The following TBC1D22A variants were observed in gnomAD, a reference collection of about 807,000 sequenced individuals.
TBC1D22A encodes putative GTPase activator.
In TBC1D22A, 38 loss-of-function variants were observed where a neutral mutation model predicts 60.2. The observed-to-expected ratio is 0.63, with a 90% CI of 0.49 to 0.83. TBC1D22A has a LOEUF of 0.83. Among genes scored for constraint, TBC1D22A ranks in the 40% least tolerant of loss-of-function variants. TBC1D22A has a pLI of 0.00. For missense variants in TBC1D22A, 628 were observed against 701.0 expected, an observed-to-expected ratio of 0.90 and a Z score of 1.18; for synonymous variants, 302 against 281.7, an observed-to-expected ratio of 1.07 and a Z score of -0.72.
intron 11 of TBC1D22A, among the ~76,000 whole-genome samples, chr22:47,099,173 A>G (rs1367401645): frequency 6.6e-6 from 1 of 152,214 alleles, no homozygotes; most frequent in Non-Finnish European, 1.5e-5. Context: ...GTGGAAGTGC[A>G]GACCCTGCTC....
At chr22:46,796,732 G>A (rs1312479123) in intron 3 of TBC1D22A, among the ~76,000 whole-genome samples, 1 of 145,372 alleles carries the variant, frequency 6.9e-6, no homozygotes, top group Non-Finnish European at 1.5e-5. Flanking sequence ...GTGGGCAGCA[G>A]CAGAGGGCGG....
chr22:47,168,527 C>G (rs1298441577), intron 12 of TBC1D22A, among the ~76,000 whole-genome samples: 1 of 152,248 alleles, frequency 6.6e-6, no homozygotes, highest in African/African-American at 2.4e-5. Flanking sequence ...CTCGTGGGGT[C>G]AGGCAGCATT....
At chr22:46,847,591 G>A (rs1346605140) in intron 4 of TBC1D22A, among the ~76,000 whole-genome samples, 3 of 152,330 alleles carry the variant, frequency 2.0e-5, no homozygotes, top group South Asian at 2.1e-4. Context: ...GTAGGAAAAT[G>A]TGGGGTGTGT....
At chr22:46,880,282 A>G (rs1045102036) in intron 5 of TBC1D22A, among the ~76,000 whole-genome samples, 2 of 152,178 alleles carry the variant, frequency 1.3e-5, no homozygotes, top group Admixed American at 1.3e-4. Context: ...GAATGGTTAC[A>G]TTCTTTTGAG....
intron 9 of TBC1D22A, among the ~76,000 whole-genome samples, chr22:46,982,226 CTTT>C (rs750713030): frequency 2.9e-5 from 4 of 138,616 alleles, no homozygotes; most frequent in Admixed American, 7.3e-5. Flanking sequence ...AAGAGACAGT[CTTT>C]TTTTTTTTTT....
intron 7 of TBC1D22A, among the ~76,000 whole-genome samples, chr22:46,897,652 G>GTTTTTTTTTTT (rs34529641): frequency 1.3e-4 from 15 of 111,436 alleles, no homozygotes; most frequent in South Asian, 6.0e-4. Context: ...TTTTTTTTGT[G>GTTTTTTTTTTT]TTTTTTTTTT....
intron 5 of TBC1D22A, among the ~76,000 whole-genome samples, chr22:46,886,480 G>C (rs4823579): frequency 0.57 from 85,820 of 151,772 alleles, 26,853 homozygotes; most frequent in Middle Eastern, 0.76. Context: ...GTAACCAGGC[G>C]GTTGTGACCC....
chr22:46,779,828 T>C (rs2083861882), intron 1 of TBC1D22A, among the ~76,000 whole-genome samples: 1 of 152,180 alleles, frequency 6.6e-6, no homozygotes, highest in African/African-American at 2.4e-5. Flanking sequence ...GCTGGGAGCC[T>C]TGCAGGACAG....
chr22:46,772,009 C>A (rs1229872800), intron 1 of TBC1D22A, among the ~76,000 whole-genome samples: 1 of 151,816 alleles, frequency 6.6e-6, no homozygotes, highest in Non-Finnish European at 1.5e-5. Context: ...GCCAGTAATT[C>A]ATTCCTTTTT....
chr22:47,116,406 G>T (rs955190338), intron 12 of TBC1D22A: 1 of 152,262 alleles, frequency 6.6e-6, no homozygotes, highest in African/African-American at 2.4e-5. Flanking sequence ...AGGAGGCCTC[G>T]GCAGCTGAGA....
At chr22:47,169,602 C>T (rs928709648) in intron 12 of TBC1D22A, among the ~76,000 whole-genome samples, 1 of 152,154 alleles carries the variant, frequency 6.6e-6, no homozygotes, top group Non-Finnish European at 1.5e-5. Context: ...TGCAGACACT[C>T]GGTGTCCACT....
chr22:46,771,391 G>A (rs982761521), intron 1 of TBC1D22A, among the ~76,000 whole-genome samples: 1 of 151,948 alleles, frequency 6.6e-6, no homozygotes, highest in Non-Finnish European at 1.5e-5. Flanking sequence ...GGTTACATGA[G>A]TAAGTTCTTT....
chr22:47,015,893 T>A (rs2061896440), intron 10 of TBC1D22A, among the ~76,000 whole-genome samples: 1 of 152,196 alleles, frequency 6.6e-6, no homozygotes, highest in Non-Finnish European at 1.5e-5. Context: ...TGTCCATCTG[T>A]CTCTTCCTCT....
intron 4 of TBC1D22A, among the ~76,000 whole-genome samples, chr22:46,801,181 G>T (rs1280753495): frequency 6.6e-6 from 1 of 152,192 alleles, no homozygotes; most frequent in Non-Finnish European, 1.5e-5. Flanking sequence ...AAAGCTAAAT[G>T]CAGAGCTTTC....
In TBC1D22A at chr22:47,136,150, G is replaced by A. The variant is rs550717678; in HGVS notation, c.1425+24547G>A. ...TGGATACTCGGGGGCCAAGGCCCAG[G>A]CTCCCTCCACCACGTCCCCTGAGGC... On this transcript the variant is annotated intron_variant, in intron 12 of 12. Coordinates refer to ENST00000337137, the MANE Select transcript of TBC1D22A (RefSeq NM_014346.5). Among the ~76,000 whole-genome samples the A allele has an allele frequency of 2.6e-5, 4 of 152,356 alleles. No individual in the cohort carries two copies. In the South Asian group the frequency reaches 8.3e-4, roughly 32 times the overall value.
intron 1 of TBC1D22A, among the ~76,000 whole-genome samples, chr22:46,781,805 G>A (rs1765408346): frequency 6.6e-6 from 1 of 152,220 alleles, no homozygotes; most frequent in South Asian, 2.1e-4. Context: ...CCCTTCATCA[G>A]TGTTTGCTCA....
At chr22:47,134,725 T>C (rs1254890386) in intron 12 of TBC1D22A, among the ~76,000 whole-genome samples, 1 of 152,138 alleles carries the variant, frequency 6.6e-6, no homozygotes, top group African/African-American at 2.4e-5. Flanking sequence ...CCCTGGACTT[T>C]GTTTGCAGAA....
intron 5 of TBC1D22A, among the ~76,000 whole-genome samples, chr22:46,890,894 G>A (rs751479067): frequency 1.5e-4 from 23 of 152,242 alleles, no homozygotes; most frequent in Non-Finnish European, 2.1e-4. Context: ...TTGGAATCCT[G>A]TCTGGTATAT....
intron 4 of TBC1D22A, among the ~76,000 whole-genome samples, chr22:46,798,839 A>G (rs943356408): frequency 2.0e-5 from 3 of 152,218 alleles, no homozygotes; most frequent in African/African-American, 4.8e-5. Context: ...TGCAGGGGCC[A>G]TATAGGAGCT....
Sources: gnomAD v4.1 joint callset for allele counts (sites outside exome capture counted in the v4.1 genomes callset) on GRCh38, gnomAD v4.1.1 for gene constraint, MANE v1.5 for transcripts, NCBI Gene and HGNC (gene_info 2026-07-23, HGNC 2026-07-21) for gene names.